Variants in MRPL39 observed in about 807,000 individuals in gnomAD.
MRPL39 encodes the protein large ribosomal subunit protein mL39.
In MRPL39, 35 loss-of-function variants were observed where a neutral mutation model predicts 44.5. The observed-to-expected ratio is 0.79, with a 90% CI of 0.60 to 1.04. The LOEUF is 1.04. Ranked by LOEUF, MRPL39 falls within the 50% of genes least tolerant of loss-of-function variation. The pLI, the probability that MRPL39 is intolerant of heterozygous loss-of-function variation, is 0.00. For synonymous variants in MRPL39, 139 were observed against 136.1 expected, an observed-to-expected ratio of 1.02 and a Z score of -0.15; for missense variants, 433 against 413.5, an observed-to-expected ratio of 1.05 and a Z score of -0.41.
In MRPL39 at chr21:25,597,404, C is replaced by G. The variant is rs762645233; in HGVS notation, c.599G>C (p.Arg200Pro). 6.5e-7 allele frequency: 1 copy of G among 1,539,532 alleles called. No individual in the cohort carries two copies. Among genetic ancestry groups the G allele is most frequent in the African/African-American group, 1.4e-5 (1 of 72,970 alleles). ...DEWMPTKENL[R>P]SFTKDAHALI... Reference sequence around the variant, plus strand: ...AGCATGAGCATCTTTTGTGAAGGAACGTAAGTTCTCCTTAAAAATGAAAGT... The same window carrying G: ...AGCATGAGCATCTTTTGTGAAGGAAGGTAAGTTCTCCTTAAAAATGAAAGT... Residue 200 changes from arginine to proline, a missense_variant, in exon 6 of 10, where the codon CGT becomes CCT. Physicochemically the swap from Arg to Pro is moderately radical, Grantham distance 103 (BLOSUM62 -2). Transcript: ENST00000352957.
At chr21:25,589,300 G>A (rs2031099923) in intron 8 of MRPL39, among the ~76,000 whole-genome samples, 1 of 152,004 alleles carries the variant, frequency 6.6e-6, no homozygotes, top group Non-Finnish European at 1.5e-5. Context: ...CAAATCATAA[G>A]CAATCACAAG....
At chr21:25,587,220 A>C (rs2031025507) in intron 9 of MRPL39, among the ~76,000 whole-genome samples, 1 of 152,188 alleles carries the variant, frequency 6.6e-6, no homozygotes, top group Admixed American at 6.5e-5. Flanking sequence ...TTAATTTTCC[A>C]AACTATTTCT....
intron 3 of MRPL39, among the ~76,000 whole-genome samples, chr21:25,603,551 T>C (rs1190174922): frequency 1.3e-5 from 2 of 152,154 alleles, no homozygotes; most frequent in African/African-American, 4.8e-5. Context: ...GAGTGATTAA[T>C]GAATGTAAGT....
chr21:25,599,779 C>A lies in MRPL39; in HGVS notation c.588+20G>T. The A allele has an allele frequency of 6.3e-7, 1 of 1,588,932 alleles. No homozygotes were observed. Among genetic ancestry groups the A allele is most frequent in the Non-Finnish European group, 8.6e-7 (1 of 1,157,710 alleles). On this transcript the variant is annotated intron_variant, in intron 5 of 9. Coordinates refer to ENST00000352957, the MANE Select transcript of MRPL39 (RefSeq NM_017446.4). ...AAAGGCAGACACTCTAAAATTAATA[C>A]TCCAGAAGAATACACTTACTTTTGT... is the stretch of plus-strand genomic sequence containing the variant.
intron 1 of MRPL39, among the ~76,000 whole-genome samples, chr21:25,606,856 G>C (rs2031691744): frequency 6.6e-6 from 1 of 152,116 alleles, no homozygotes; most frequent in Non-Finnish European, 1.5e-5. Flanking sequence ...TTCCTGTGTC[G>C]TGTTTCCAAT....
chr21:25,607,423 G>A lies in MRPL39; in HGVS notation c.53C>T (p.Pro18Leu). ...SRALRLWLVA[P>L]GGGIKWRFIA... Reference sequence around the variant, plus strand: ...CTCACTCCATTTGATCCCGCCACCGGGTGCGACCAGCCAGAGCCGCAGCGC... The same window carrying A: ...CTCACTCCATTTGATCCCGCCACCGAGTGCGACCAGCCAGAGCCGCAGCGC... The change falls in exon 1 of 10, where the codon CCC becomes CTC. Residue 18 changes from proline (P) to leucine (L), a missense_variant. Physicochemically the swap from Pro to Leu is moderately conservative, Grantham distance 98 (BLOSUM62 -3). Transcript: ENST00000352957. 1 of 1,613,518 alleles carries A rather than the reference G, an allele frequency of 6.2e-7. No individual in the cohort carries two copies. Among genetic ancestry groups the A allele is most frequent in the Non-Finnish European group, 8.5e-7 (1 of 1,179,962 alleles).
intron 2 of MRPL39, among the ~76,000 whole-genome samples, chr21:25,604,587 A>AT (rs1212924461): frequency 6.6e-6 from 1 of 152,158 alleles, no homozygotes; most frequent in Non-Finnish European, 1.5e-5. Flanking sequence ...AGTAGTTACC[A>AT]TTTTTTAATA....
chr21:25,601,268 T>C (rs2031513634), intron 4 of MRPL39, 100 bp downstream of exon 4: 8 of 573,456 alleles, frequency 1.4e-5, no homozygotes, highest in Admixed American at 6.1e-5. Flanking sequence ...ATGACACATA[T>C]GTATAATGGT....
chr21:25,590,089 T>C (rs1393282907), intron 8 of MRPL39, among the ~76,000 whole-genome samples: 12 of 151,886 alleles, frequency 7.9e-5, no homozygotes, highest in Non-Finnish European at 4.4e-5. Flanking sequence ...ATGGCAAGAG[T>C]GAAAGCAAGG....
intron 5 of MRPL39, among the ~76,000 whole-genome samples, chr21:25,598,843 G>C (rs1185800144): frequency 8.5e-6 from 1 of 117,772 alleles, no homozygotes; most frequent in Non-Finnish European, 1.7e-5. Flanking sequence ...AATCTAAGAT[G>C]TATTACTAAG....
At chr21:25,599,920 T>A in intron 4 of MRPL39, 54 bp from the exon 5 acceptor site, 1 of 1,367,794 alleles carries the variant, frequency 7.3e-7, no homozygotes, top group Non-Finnish European at 1.0e-6. Context: ...AACAGAAAGT[T>A]ACTAATTTGC....
chr21:25,587,656 C>A, intron 9 of MRPL39: 3 of 1,370,886 alleles, frequency 2.2e-6, no homozygotes, highest in Non-Finnish European at 2.1e-6. Context: ...TGGACATATA[C>A]AATCAAGCAC....
rs1344496425 is a variant in MRPL39 at position 25,600,383 on chromosome 21, G to A, written c.521-517C>T. 4.4e-5 allele frequency among the ~76,000 whole-genome samples: 4 copies of A among 91,030 alleles called. No homozygotes were observed. The Admixed American group carries it at 5.1e-4, about 12-fold the overall frequency. 59.7% of individuals were successfully genotyped at this position (91,030 alleles called of 152,430 possible). ...TGCACTCCAGCCTTGGCAACACAGC[G>A]AGACTCCGTCTTAAAAAAAAAAAAA... On this transcript the variant is annotated intron_variant, in intron 4 of 9. Transcript: ENST00000352957.
intron 6 of MRPL39, among the ~76,000 whole-genome samples, 169 bp downstream of exon 6, chr21:25,597,133 A>G (rs923133660): frequency 1.3e-5 from 2 of 152,264 alleles, no homozygotes; most frequent in African/African-American, 4.8e-5. Context: ...ATCAAGGGAC[A>G]TGGGTAACAT....
rs769367558 is a variant in MRPL39 at position 25,585,656 on chromosome 21, T to G, written c.*51A>C. ...TAATCTGTATAAGCACACACAAACATTATATTTAAAACATTTATTTTATTA... is the reference window on the plus strand; with the variant it reads ...TAATCTGTATAAGCACACACAAACAGTATATTTAAAACATTTATTTTATTA... On this transcript the variant is annotated 3_prime_UTR_variant, in exon 10 of 10. Transcript: ENST00000352957. 2 of 1,013,038 alleles carry G rather than the reference T, an allele frequency of 2.0e-6. No homozygotes were observed. The highest frequency in any genetic ancestry group is 2.9e-6 in the Non-Finnish European group (2 of 700,328). 62.8% of individuals were successfully genotyped at this position (1,013,038 alleles called of 1,614,324 possible). A position where few individuals can be genotyped will look rare whatever the true frequency, so the allele number is the denominator to read the frequency against.
At chr21:25,594,821 T>G (rs1449078773) in intron 6 of MRPL39, among the ~76,000 whole-genome samples, 1 of 152,166 alleles carries the variant, frequency 6.6e-6, no homozygotes, top group Non-Finnish European at 1.5e-5. Flanking sequence ...CACCTTACCC[T>G]GAAATTTGCA....
intron 5 of MRPL39, among the ~76,000 whole-genome samples, chr21:25,598,856 GAAA>G (rs57011739): frequency 0.03 from 4,138 of 136,616 alleles, 145 homozygotes; most frequent in African/African-American, 0.078. Flanking sequence ...TTACTAAGGG[GAAA>G]AAAAAAAAAA....
At chr21:25,596,773 A>G (rs1320394073) in intron 6 of MRPL39, among the ~76,000 whole-genome samples, 1 of 152,230 alleles carries the variant, frequency 6.6e-6, no homozygotes, top group Non-Finnish European at 1.5e-5. Flanking sequence ...AACTGGTAGT[A>G]GAAGGTGAAC....
intron 2 of MRPL39, among the ~76,000 whole-genome samples, chr21:25,604,303 C>T (rs1358209296): frequency 6.6e-6 from 1 of 152,006 alleles, no homozygotes; most frequent in Non-Finnish European, 1.5e-5. Flanking sequence ...TACTCAAGGT[C>T]TTATTGGTTA....
Sources: gnomAD v4.1 joint callset for allele counts (sites outside exome capture counted in the v4.1 genomes callset) on GRCh38, gnomAD v4.1.1 for gene constraint, MANE v1.5 for transcripts, NCBI Gene and HGNC (gene_info 2026-07-23, HGNC 2026-07-21) for gene names.